The following RAB10 variants were observed in gnomAD, a reference collection of about 807,000 sequenced individuals.
The protein encoded by RAB10 is RAB10, member RAS oncogene family, also known as ras-related protein Rab-10.
In RAB10, 5 loss-of-function variants were observed where a neutral mutation model predicts 25.7. The ratio of observed to expected loss-of-function variants is 0.19; its 90% CI spans 0.10 to 0.41. RAB10 has a LOEUF of 0.41. RAB10 is among the 10% of genes least tolerant of loss of function. RAB10 has a pLI of 1.00. For missense variants in RAB10, 103 were observed against 245.8 expected, an observed-to-expected ratio of 0.42 and a Z score of 3.89; for synonymous variants, 89 against 86.4, an observed-to-expected ratio of 1.03 and a Z score of -0.16.
chr2:26,103,978 C>T (rs185003764), intron 2 of RAB10, among the ~76,000 whole-genome samples: 31 of 151,950 alleles, frequency 2.0e-4, no homozygotes, highest in Admixed American at 7.2e-4. Context: ...TTTATTTATC[C>T]GTTCATTAGT....
intron 1 of RAB10, among the ~76,000 whole-genome samples, chr2:26,064,992 A>G (rs1237776173): frequency 6.6e-6 from 1 of 152,204 alleles, no homozygotes; most frequent in Non-Finnish European, 1.5e-5. Context: ...CAGGAGTTAG[A>G]GGCTGCAGTG....
intron 1 of RAB10, among the ~76,000 whole-genome samples, chr2:26,047,723 GTT>G (rs34517359): frequency 5.6e-5 from 6 of 107,866 alleles, no homozygotes; most frequent in African/African-American, 1.5e-4. Context: ...TGCCTGGCCT[GTT>G]TTTTTTTTTT....
At chr2:26,105,619 T>C (rs1337214196) in intron 2 of RAB10, among the ~76,000 whole-genome samples, 1 of 152,042 alleles carries the variant, frequency 6.6e-6, no homozygotes, top group Non-Finnish European at 1.5e-5. Context: ...TGTGCCACTG[T>C]ACTCTGTGAG....
At chr2:26,103,948 A>G (rs1182861215) in intron 2 of RAB10, among the ~76,000 whole-genome samples, 1 of 152,104 alleles carries the variant, frequency 6.6e-6, no homozygotes, top group Non-Finnish European at 1.5e-5. Context: ...ATAATACTCC[A>G]TTGTATGGAT....
At position 26,035,141 on chromosome 2, in the gene RAB10, G is replaced by T. The variant is rs530345766; in HGVS notation, c.127+406G>T. Among the ~76,000 whole-genome samples, 3 of 152,196 alleles carry T rather than the reference G, an allele frequency of 2.0e-5. No individual in the cohort carries two copies. In the South Asian group the frequency reaches 6.2e-4, roughly 32 times the overall value. On this transcript the variant is annotated intron_variant, in intron 1 of 5. Transcript: ENST00000264710. Reference sequence around the variant, plus strand: ...GGGAAAGGCCTGAATTTATACTTTGGGGCAAAGAAAAGATTCCATATGGTG... The same window carrying T: ...GGGAAAGGCCTGAATTTATACTTTGTGGCAAAGAAAAGATTCCATATGGTG...
At chr2:26,046,329 GA>G (rs112698830) in intron 1 of RAB10, among the ~76,000 whole-genome samples, 5,857 of 121,050 alleles carry the variant, frequency 0.048, 388 homozygotes, top group African/African-American at 0.16. Context: ...CCGTCTCAAA[GA>G]AAAAAAAAAA....
chr2:26,089,493 A>G (rs1667059088), intron 1 of RAB10, among the ~76,000 whole-genome samples: 1 of 151,968 alleles, frequency 6.6e-6, no homozygotes, highest in Admixed American at 6.6e-5. Context: ...ATGCATTTGT[A>G]AACATACCTC....
intron 1 of RAB10, among the ~76,000 whole-genome samples, chr2:26,084,665 A>C (rs2149274972): frequency 6.6e-6 from 1 of 152,236 alleles, no homozygotes; most frequent in East Asian, 1.9e-4. Context: ...AGTTTGGCCA[A>C]GGGAAGTTTA....
intron 1 of RAB10, among the ~76,000 whole-genome samples, chr2:26,069,047 T>TTAATTTCA (rs1476823220): frequency 6.6e-6 from 1 of 152,216 alleles, no homozygotes; most frequent in Middle Eastern, 3.2e-3. Flanking sequence ...ATATATATTC[T>TTAATTTCA]TAATTTCAAC....
intron 3 of RAB10, among the ~76,000 whole-genome samples, chr2:26,116,026 A>AT (rs1241803006): frequency 6.6e-6 from 1 of 151,286 alleles, no homozygotes; most frequent in Non-Finnish European, 1.5e-5. Context: ...CGCCCGGCTA[A>AT]TTTTTTTTGT....
chr2:26,085,183 A>T (rs573461963), intron 1 of RAB10, among the ~76,000 whole-genome samples: 1 of 152,258 alleles, frequency 6.6e-6, no homozygotes, highest in Non-Finnish European at 1.5e-5. Context: ...TGTGCATCAA[A>T]GGGCATATTA....
intron 1 of RAB10, among the ~76,000 whole-genome samples, chr2:26,076,366 T>C (rs1266783728): frequency 6.6e-6 from 1 of 152,194 alleles, no homozygotes; most frequent in East Asian, 1.9e-4. Flanking sequence ...ACATTAAACT[T>C]GTATTTGCTT....
chr2:26,095,624 G>A (rs1160028055), intron 1 of RAB10, among the ~76,000 whole-genome samples: 1 of 150,392 alleles, frequency 6.6e-6, no homozygotes, highest in African/African-American at 2.4e-5. Context: ...AAAAAAGCAA[G>A]CTCAGGTTGG....
chr2:26,078,359 G>A (rs1666783809), intron 1 of RAB10, among the ~76,000 whole-genome samples: 1 of 152,128 alleles, frequency 6.6e-6, no homozygotes, highest in Non-Finnish European at 1.5e-5. Context: ...CCTGTATAAT[G>A]AAAACAGTCT....
At chr2:26,068,650 C>G (rs982266861) in intron 1 of RAB10, among the ~76,000 whole-genome samples, 5 of 152,064 alleles carry the variant, frequency 3.3e-5, no homozygotes, top group Non-Finnish European at 7.4e-5. Flanking sequence ...TGAGCTTGAG[C>G]AAGTCATTTA....
intron 1 of RAB10, among the ~76,000 whole-genome samples, chr2:26,063,791 T>G (rs1213037200): frequency 6.6e-6 from 1 of 152,198 alleles, no homozygotes; most frequent in Non-Finnish European, 1.5e-5. Flanking sequence ...TTTCACAATT[T>G]GTTTTCTCAC....
intron 1 of RAB10, among the ~76,000 whole-genome samples, chr2:26,072,287 C>T (rs573328311): frequency 9.6e-4 from 146 of 152,116 alleles, no homozygotes; most frequent in African/African-American, 3.3e-3. Flanking sequence ...ATGGTGGCAC[C>T]CACCTGTATT....
intron 5 of RAB10, among the ~76,000 whole-genome samples, chr2:26,132,627 A>G (rs903365744): frequency 1.3e-5 from 2 of 151,836 alleles, no homozygotes; most frequent in Non-Finnish European, 2.9e-5. Context: ...CCTTTGCCCA[A>G]TTTTTCTATT....
At chr2:26,104,212 G>T (rs1667418867) in intron 2 of RAB10, among the ~76,000 whole-genome samples, 1 of 152,124 alleles carries the variant, frequency 6.6e-6, no homozygotes. Context: ...GGGTATAAGG[G>T]TCCCAATTTC....
Sources: gnomAD v4.1 joint callset for allele counts (sites outside exome capture counted in the v4.1 genomes callset) on GRCh38, gnomAD v4.1.1 for gene constraint, MANE v1.5 for transcripts, NCBI Gene and HGNC (gene_info 2026-07-23, HGNC 2026-07-21) for gene names.